RSRC1: variants seen among roughly 807,000 people sequenced by gnomAD.
RSRC1 encodes serine/Arginine-related protein 53.
Under a neutral mutation model 49.1 loss-of-function variants are expected in RSRC1, and 39 were observed. That is an observed-to-expected ratio of 0.79 (90% CI 0.61 to 1.04). The LOEUF (loss-of-function observed/expected upper bound fraction) is 1.04, where lower values mean the gene tolerates loss of function less well. Among genes scored for constraint, RSRC1 ranks in the 50% least tolerant of loss-of-function variants. The pLI is 0.00. For synonymous variants in RSRC1, 143 were observed against 130.8 expected (o/e 1.09, Z -0.63); for missense variants, 388 against 402.4 (o/e 0.96, Z 0.31).
chr3:158,466,244 G>A lies in RSRC1; in HGVS notation c.652+5241G>A, dbSNP rs1251887327. On this transcript the variant is annotated intron_variant, in intron 7 of 9. Coordinates refer to ENST00000611884, the MANE Select transcript of RSRC1 (RefSeq NM_001271838.2). Reference sequence around the variant, plus strand: ...ACTATTTTTGCTTCATACACATTCAGCTATACTCTTTATGGAATTGGAAGC... The same window carrying A: ...ACTATTTTTGCTTCATACACATTCAACTATACTCTTTATGGAATTGGAAGC... 2.6e-5 allele frequency among the ~76,000 whole-genome samples: 4 copies of A among 152,000 alleles called. No homozygotes were observed. In the East Asian group the frequency reaches 7.7e-4, roughly 29 times the overall value.
chr3:158,139,341 G>A (rs1475062296), intron 3 of RSRC1, among the ~76,000 whole-genome samples: 1 of 152,054 alleles, frequency 6.6e-6, no homozygotes, highest in East Asian at 1.9e-4. Flanking sequence ...GGGCGGTGGA[G>A]GTTGCAGTGA....
intron 6 of RSRC1, among the ~76,000 whole-genome samples, chr3:158,459,173 A>G (rs1220119568): frequency 1.3e-5 from 2 of 152,188 alleles, no homozygotes; most frequent in Non-Finnish European, 2.9e-5. Context: ...AAGCTCAATT[A>G]CATAAAATAT....
chr3:158,320,093 CA>C (rs1362841494), intron 5 of RSRC1, among the ~76,000 whole-genome samples: 1 of 152,144 alleles, frequency 6.6e-6, no homozygotes, highest in Non-Finnish European at 1.5e-5. Context: ...AGGAAACCAA[CA>C]CTAAGATTGT....
chr3:158,368,419 A>G (rs1731892757), intron 6 of RSRC1, among the ~76,000 whole-genome samples: 1 of 152,132 alleles, frequency 6.6e-6, no homozygotes, highest in Non-Finnish European at 1.5e-5. Flanking sequence ...CTTTGTATAA[A>G]TCCTGGGTAG....
At chr3:158,409,271 C>A (rs1046014067) in intron 6 of RSRC1, among the ~76,000 whole-genome samples, 2 of 151,924 alleles carry the variant, frequency 1.3e-5, no homozygotes, top group Non-Finnish European at 2.9e-5. Context: ...TACACACATA[C>A]CCTGAACTTA....
At chr3:158,190,276 G>A (rs862352) in intron 3 of RSRC1, among the ~76,000 whole-genome samples, 99,609 of 151,746 alleles carry the variant, frequency 0.66, 32,934 homozygotes, top group East Asian at 0.84. Context: ...CATGTGGATG[G>A]CTTTAGTTAC....
chr3:158,451,743 T>A (rs969024018), intron 6 of RSRC1, among the ~76,000 whole-genome samples: 5 of 152,088 alleles, frequency 3.3e-5, no homozygotes, highest in African/African-American at 1.2e-4. Context: ...TGGGAATTAT[T>A]GAAGCATGGT....
chr3:158,478,836 T>C (rs1197906939), intron 7 of RSRC1, among the ~76,000 whole-genome samples: 1 of 151,874 alleles, frequency 6.6e-6, no homozygotes, highest in Admixed American at 6.6e-5. Flanking sequence ...TCAGTAATAG[T>C]TTATCAGTCA....
rs367906354 is a variant in RSRC1, at chr3:158,203,023, C to T, written c.321-49C>T. 1.3e-4 allele frequency: 179 copies of T among 1,431,420 alleles called. 1 individual carries two copies. The highest frequency in any genetic ancestry group is 1.0e-3 in the South Asian group (79 of 77,264). The allele number at this position is 1,431,420 out of a possible 1,614,324, so 88.7% of individuals were successfully genotyped here. ...AATTTAAAAGAGTATTTACTTTTCACGATACAAATTATACACTAAGTTTAT... is the reference window on the plus strand; with the variant it reads ...AATTTAAAAGAGTATTTACTTTTCATGATACAAATTATACACTAAGTTTAT... On this transcript the variant is annotated intron_variant, in intron 3 of 9. Transcript: ENST00000611884.
chr3:158,266,366 A>G lies in RSRC1; in HGVS notation c.495-31673A>G, dbSNP rs186477047. 2.2e-4 allele frequency among the ~76,000 whole-genome samples: 34 copies of G among 152,236 alleles called. No homozygotes were observed. The East Asian group carries it at 3.1e-3, about 14-fold the overall frequency. ...AGGCTATAAATTTTCTGTAAGCACT[A>G]CTTTTAATTGTTATATATTTTGAGC... On this transcript the variant is annotated intron_variant, in intron 4 of 9. Coordinates refer to ENST00000611884, the MANE Select transcript of RSRC1 (RefSeq NM_001271838.2).
At chr3:158,273,718 A>C (rs1725647898) in intron 4 of RSRC1, among the ~76,000 whole-genome samples, 1 of 152,114 alleles carries the variant, frequency 6.6e-6, no homozygotes, top group African/African-American at 2.4e-5. Context: ...GTATTACCCT[A>C]AGTCTACTTT....
At chr3:158,149,842 A>G (rs867296942) in intron 3 of RSRC1, among the ~76,000 whole-genome samples, 4 of 152,268 alleles carry the variant, frequency 2.6e-5, no homozygotes, top group Middle Eastern at 3.4e-3. Flanking sequence ...TGTTCTGGCA[A>G]CCTCAAGGGA....
chr3:158,257,327 A>G (rs980624216), intron 4 of RSRC1, among the ~76,000 whole-genome samples: 2 of 151,672 alleles, frequency 1.3e-5, no homozygotes, highest in African/African-American at 2.4e-5. Flanking sequence ...TCATTTTATT[A>G]TTTACTGGTA....
chr3:158,354,834 ATT>A (rs368294453), intron 5 of RSRC1, 21 bp from the exon 6 acceptor site: 107 of 1,156,856 alleles, frequency 9.2e-5, no homozygotes, highest in Admixed American at 3.9e-4. Context: ...GTATGGTTGA[ATT>A]TTTTTTTTTT....
chr3:158,426,147 T>C (rs1338755414), intron 6 of RSRC1, among the ~76,000 whole-genome samples: 2 of 151,700 alleles, frequency 1.3e-5, no homozygotes, highest in Admixed American at 6.6e-5. Context: ...TGTAGGAGAA[T>C]AGATTTGTGA....
chr3:158,271,135 A>AT (rs5853820), intron 4 of RSRC1, among the ~76,000 whole-genome samples: 72,320 of 151,814 alleles, frequency 0.48, 17,784 homozygotes, highest in East Asian at 0.64. Flanking sequence ...AAATACACTA[A>AT]TTTTTTTGAA....
intron 6 of RSRC1, among the ~76,000 whole-genome samples, chr3:158,419,910 A>G (rs1287556486): frequency 6.6e-6 from 1 of 151,794 alleles, no homozygotes; most frequent in East Asian, 1.9e-4. Context: ...TCCTACATTA[A>G]CAGTCCTTTG....
intron 4 of RSRC1, chr3:158,276,261 T>C: frequency 1.3e-6 from 1 of 768,310 alleles, no homozygotes; most frequent in Non-Finnish European, 2.4e-6. Flanking sequence ...TTTCTTGGCC[T>C]TGCAGCCCAG....
intron 6 of RSRC1, among the ~76,000 whole-genome samples, chr3:158,416,226 A>G (rs766816572): frequency 3.3e-5 from 5 of 151,804 alleles, no homozygotes; most frequent in African/African-American, 9.7e-5. Context: ...GCCTTTCTCA[A>G]CCATTTTGGT....
Sources: allele counts gnomAD v4.1 joint callset (sites outside exome capture counted in the v4.1 genomes callset), GRCh38; gene constraint gnomAD v4.1.1; transcripts MANE v1.5; gene names NCBI Gene and HGNC (gene_info 2026-07-23, HGNC 2026-07-21).